Variants in PTPRO observed in about 807,000 individuals in gnomAD.
PTPRO encodes the protein receptor-type tyrosine-protein phosphatase O.
In PTPRO, 62 loss-of-function variants were observed where a neutral mutation model predicts 145.2. The ratio of observed to expected loss-of-function variants is 0.43; its 90% CI spans 0.35 to 0.53. PTPRO has a LOEUF of 0.53. Among genes scored for constraint, PTPRO ranks in the 20% least tolerant of loss-of-function variants. PTPRO has a pLI of 0.01. For missense variants in PTPRO, 1,345 were observed against 1,482.7 expected, an observed-to-expected ratio of 0.91 and a Z score of 1.53; for synonymous variants, 565 against 514.7, an observed-to-expected ratio of 1.10 and a Z score of -1.32.
chr12:15,582,681 T>G (rs1338983202), intron 23 of PTPRO, among the ~76,000 whole-genome samples: 2 of 152,240 alleles, frequency 1.3e-5, no homozygotes, highest in Non-Finnish European at 2.9e-5. Context: ...ATTAAATAAT[T>G]AAACCCTGAT....
intron 1 of PTPRO, among the ~76,000 whole-genome samples, chr12:15,345,366 C>A (rs1867165382): frequency 6.6e-6 from 1 of 152,142 alleles, no homozygotes; most frequent in Non-Finnish European, 1.5e-5. Context: ...CCTAAATGCC[C>A]ATCAATGATA....
chr12:15,392,034 T>C (rs1388728825), intron 1 of PTPRO, among the ~76,000 whole-genome samples: 1 of 152,202 alleles, frequency 6.6e-6, no homozygotes, highest in Non-Finnish European at 1.5e-5. Context: ...TAGTAACCAT[T>C]CAATTATTCT....
intron 10 of PTPRO, among the ~76,000 whole-genome samples, chr12:15,524,538 G>A (rs1942796990): frequency 6.6e-6 from 1 of 152,078 alleles, no homozygotes; most frequent in Admixed American, 6.6e-5. Context: ...ATTTTGTAAT[G>A]GTGACATTTA....
chr12:15,567,041 G>A lies in PTPRO; in HGVS notation c.2747+1413G>A, dbSNP rs970006433. On this transcript the variant is annotated intron_variant, in intron 18 of 26. Transcript: ENST00000281171. Reference sequence around the variant, plus strand: ...GAAGATAGCGTCCTTGGACGAAAAGGAGAGACTGTCAAGGCTTGCTCCTCC... The same window carrying A: ...GAAGATAGCGTCCTTGGACGAAAAGAAGAGACTGTCAAGGCTTGCTCCTCC... Among the ~76,000 whole-genome samples the A allele has an allele frequency of 7.2e-5, 11 of 152,252 alleles. No homozygotes were observed. In the South Asian group the frequency reaches 2.3e-3, roughly 32 times the overall value.
chr12:15,369,864 C>A (rs1278444719), intron 1 of PTPRO, among the ~76,000 whole-genome samples: 1 of 152,070 alleles, frequency 6.6e-6, no homozygotes, highest in Non-Finnish European at 1.5e-5. Context: ...CCAGCCTAAC[C>A]AACAAAGTGA....
At chr12:15,446,976 A>C (rs1940917814) in intron 1 of PTPRO, among the ~76,000 whole-genome samples, 1 of 152,044 alleles carries the variant, frequency 6.6e-6, no homozygotes, top group Non-Finnish European at 1.5e-5. Flanking sequence ...ATGACACATC[A>C]TCTAGCCCCC....
intron 1 of PTPRO, among the ~76,000 whole-genome samples, chr12:15,374,088 T>G (rs1165990621): frequency 6.6e-6 from 1 of 152,202 alleles, no homozygotes; most frequent in African/African-American, 2.4e-5. Flanking sequence ...TAACAACGGC[T>G]TTGAAAATGT....
intron 1 of PTPRO, among the ~76,000 whole-genome samples, chr12:15,434,741 T>C (rs1940547856): frequency 6.6e-6 from 1 of 152,154 alleles, no homozygotes; most frequent in Admixed American, 6.5e-5. Flanking sequence ...GTGAAGTGCT[T>C]TGAAATTTAA....
Position 15,522,648 on chromosome 12 carries a change from A to G in PTPRO, c.1892-2166A>G, listed in dbSNP as rs76423270. The stretch of plus-strand genomic sequence containing the variant: ...TGTGGTGTAAAAGAAAATAGGAACA[A>G]AATATTTGAATTAGGTGTGATTTAT... On this transcript the variant is annotated intron_variant, in intron 10 of 26. Transcript: ENST00000281171. 5.4e-3 allele frequency among the ~76,000 whole-genome samples: 819 copies of G among 152,278 alleles called. 36 individuals are homozygous for G. In the East Asian group the frequency reaches 0.12, roughly 22 times the overall value.
At chr12:15,500,225 G>T (rs559956564) in intron 4 of PTPRO, among the ~76,000 whole-genome samples, 1 of 152,204 alleles carries the variant, frequency 6.6e-6, no homozygotes, top group South Asian at 2.1e-4. Context: ...TAGGAATGCT[G>T]GAGAGGCCAT....
chr12:15,419,552 A>G (rs1215830259), intron 1 of PTPRO, among the ~76,000 whole-genome samples: 1 of 151,738 alleles, frequency 6.6e-6, no homozygotes, highest in Non-Finnish European at 1.5e-5. Flanking sequence ...AGGCCACAAG[A>G]TAATGATGTC....
At chr12:15,592,112 ATCT>A (rs1248790338) in intron 25 of PTPRO, among the ~76,000 whole-genome samples, 3 of 151,918 alleles carry the variant, frequency 2.0e-5, no homozygotes, top group South Asian at 2.1e-4. Flanking sequence ...TGTCTAGAAC[ATCT>A]TCTTCATTTA....
intron 13 of PTPRO, among the ~76,000 whole-genome samples, chr12:15,547,538 C>A (rs1943327013): frequency 6.6e-6 from 1 of 152,178 alleles, no homozygotes; most frequent in South Asian, 2.1e-4. Flanking sequence ...GAGTGCAAAT[C>A]TTTTCATATT....
intron 17 of PTPRO, among the ~76,000 whole-genome samples, chr12:15,564,690 C>T (rs1171640285): frequency 6.6e-6 from 1 of 152,192 alleles, no homozygotes; most frequent in East Asian, 1.9e-4. Flanking sequence ...TGGTTATTTA[C>T]TATAGACTGT....
At chr12:15,407,633 C>A (rs1479765783) in intron 1 of PTPRO, among the ~76,000 whole-genome samples, 2 of 152,198 alleles carry the variant, frequency 1.3e-5, no homozygotes, top group African/African-American at 4.8e-5. Context: ...CAACATCCAA[C>A]CTGCAATTAC....
At chr12:15,548,014 G>A (rs76342589) in intron 13 of PTPRO, among the ~76,000 whole-genome samples, 3,733 of 152,212 alleles carry the variant, frequency 0.025, 144 homozygotes, top group African/African-American at 0.082. Flanking sequence ...TTCTTAGTGC[G>A]GATAGTTGCC....
At chr12:15,527,438 G>T (rs567738614) in intron 12 of PTPRO, among the ~76,000 whole-genome samples, 59 of 152,210 alleles carry the variant, frequency 3.9e-4, no homozygotes, top group Non-Finnish European at 7.2e-4. Flanking sequence ...CCTGAAGGGA[G>T]AAATAGCTTG....
In PTPRO at chr12:15,499,601, C is replaced by G; in HGVS notation, c.661+7C>G. The G allele has an allele frequency of 1.2e-6, 2 of 1,610,682 alleles. No homozygotes were observed. The highest frequency in any genetic ancestry group is 1.7e-5 in the Admixed American group (1 of 59,996). On this transcript the variant is annotated splice_region_variant and intron_variant, in intron 4 of 26. Coordinates refer to ENST00000281171, the MANE Select transcript of PTPRO (RefSeq NM_030667.3). ...CCCAAACAGCACAGAACTGGTAAGTCTCCTGAAGAATCAAATACAGTGAAA... is the reference window on the plus strand; with the variant it reads ...CCCAAACAGCACAGAACTGGTAAGTGTCCTGAAGAATCAAATACAGTGAAA...
chr12:15,392,720 CAAAA>C (rs1177789187), intron 1 of PTPRO, among the ~76,000 whole-genome samples: 3 of 66,686 alleles, frequency 4.5e-5, no homozygotes, highest in Non-Finnish European at 5.4e-5. Flanking sequence ...GACCCTGTCT[CAAAA>C]AAAAAAAAAA....
Sources: allele counts gnomAD v4.1 joint callset (sites outside exome capture counted in the v4.1 genomes callset), GRCh38; gene constraint gnomAD v4.1.1; transcripts MANE v1.5; gene names NCBI Gene and HGNC (gene_info 2026-07-23, HGNC 2026-07-21).